Variants in RPS8 observed in about 807,000 individuals in gnomAD.
RPS8 encodes the protein small ribosomal subunit protein eS8.
For synonymous variants in RPS8, 100 were observed against 100.7 expected (o/e 0.99, Z 0.04); for missense variants, 141 against 269.7 (o/e 0.52, Z 3.34).
intron 2 of RPS8, 22 bp from the exon 3 acceptor site, chr1:44,776,653 C>T (rs755507477): frequency 1.3e-5 from 21 of 1,608,278 alleles, no homozygotes; most frequent in Middle Eastern, 1.6e-4. Context: ...TAACCTAGTT[C>T]CTGTAACCTT....
At chr1:44,777,500 G>A (rs1557609228) in intron 3 of RPS8, 114 bp from the exon 4 acceptor site, 6 of 831,302 alleles carry the variant, frequency 7.2e-6, no homozygotes, top group Non-Finnish European at 3.9e-6. Context: ...GCTTGTAAAG[G>A]CTGAGAGTTC....
intron 2 of RPS8, 50 bp downstream of exon 2, chr1:44,776,190 C>G (rs994191944): frequency 9.1e-6 from 12 of 1,320,426 alleles, no homozygotes; most frequent in Middle Eastern, 2.5e-4. Flanking sequence ...TTCCCCCGCT[C>G]TCCAGCGTGC....
intron 1 of RPS8, 96 bp from the exon 2 acceptor site, chr1:44,775,938 C>T (rs767859066): frequency 3.5e-6 from 4 of 1,137,432 alleles, no homozygotes; most frequent in South Asian, 1.2e-5. Flanking sequence ...GAGAGCTGAG[C>T]GTGCGACCGG....
rs1650849053 is a variant in RPS8, at chr1:44,776,245, G to A, written c.111+105G>A. On this transcript the variant is annotated intron_variant, in intron 2 of 5. Transcript: ENST00000396651. The stretch of plus-strand genomic sequence containing the variant: ...AGTTGTGCGTTCTTTCTTGGGCTCT[G>A]ATTTCTCTGTAGTAGGGCCTGGGTG... 4 of 811,714 alleles carry A rather than the reference G, an allele frequency of 4.9e-6. No homozygotes were observed. The South Asian group carries it at 7.0e-5, about 14-fold the overall frequency. 50.3% of individuals were successfully genotyped at this position (811,714 alleles called of 1,614,324 possible).
At position 44,778,589 on chromosome 1, in the gene RPS8, A is replaced by G; in HGVS notation, c.531A>G (p.Ser177=). 6.2e-7 allele frequency: 1 copy of G among 1,613,916 alleles called. No homozygotes were observed. Among genetic ancestry groups the G allele is most frequent in the Non-Finnish European group, 8.5e-7 (1 of 1,179,842 alleles). Reference sequence around the variant, plus strand: ...ACTCTCTTGCAGCGTGCATCGCTTCAAGGCCGGGACAGTGTGGCCGAGCAG... The same window carrying G: ...ACTCTCTTGCAGCGTGCATCGCTTCGAGGCCGGGACAGTGTGGCCGAGCAG... ...QQGKLLACIA[S]RPGQCGRADG... is the part of the protein sequence containing the mutation. The change falls in exon 6 of 6, where the codon TCA becomes TCG. Residue 177 remains serine (S), a synonymous_variant. Transcript: ENST00000396651.
intron 4 of RPS8, 49 bp from the exon 5 acceptor site, chr1:44,777,951 A>T: frequency 6.2e-7 from 1 of 1,612,556 alleles, no homozygotes; most frequent in Non-Finnish European, 8.5e-7. Flanking sequence ...GAAAGCTCCC[A>T]GGGCCTGCCT....
intron 3 of RPS8, 151 bp from the exon 4 acceptor site, chr1:44,777,463 T>G: frequency 1.5e-6 from 1 of 651,026 alleles, no homozygotes; most frequent in Non-Finnish European, 2.7e-6. Context: ...GGTTAGGGGG[T>G]TGTGGAAGAC....
chr1:44,776,173 G>A (rs754667122), intron 2 of RPS8, 33 bp downstream of exon 2: 76 of 1,487,852 alleles, frequency 5.1e-5, no homozygotes, highest in Non-Finnish European at 6.6e-5. Context: ...CCGCCTGGGA[G>A]GTCGCCTTCC....
intron 2 of RPS8, chr1:44,776,470 C>G: frequency 1.3e-6 from 1 of 762,114 alleles, no homozygotes; most frequent in Non-Finnish European, 2.4e-6. Context: ...CATTTGGGGT[C>G]AGGCTTTCCT....
intron 5 of RPS8, 143 bp from the exon 6 acceptor site, chr1:44,778,433 G>A (rs1378409871): frequency 1.2e-6 from 1 of 821,600 alleles, no homozygotes; most frequent in Non-Finnish European, 2.2e-6. Flanking sequence ...CTGACAGTAA[G>A]TGAAGATAAA....
At chr1:44,776,207 C>A in intron 2 of RPS8, 67 bp downstream of exon 2, 6 of 1,167,342 alleles carry the variant, frequency 5.1e-6, no homozygotes, top group South Asian at 1.5e-5. Flanking sequence ...GTGCTCGGGT[C>A]TTTCCGTGTG....
chr1:44,778,736 C>T lies in RPS8; in HGVS notation c.*51C>T. The stretch of plus-strand genomic sequence containing the variant: ...AATAAAGGTGTTTATTGTTTTGTTC[C>T]CACATTTATGTTGCCTGAATATATG... On this transcript the variant is annotated 3_prime_UTR_variant, in exon 6 of 6. Transcript: ENST00000396651. The T allele has an allele frequency of 7.9e-7, 1 of 1,267,454 alleles. No individual in the cohort carries two copies. Among genetic ancestry groups the T allele is most frequent in the Non-Finnish European group, 1.1e-6 (1 of 895,040 alleles). The allele number at this position is 1,267,454 out of a possible 1,614,324, so 78.5% of individuals were successfully genotyped here. A position where few individuals can be genotyped will look rare whatever the true frequency, so the allele number is the denominator to read the frequency against.
Position 44,776,062 on chromosome 1 carries a change from C to T in RPS8, c.33C>T (p.Arg11=), listed in dbSNP as rs201664044. Residue 11 remains arginine (R), a synonymous_variant, in exon 2 of 6, where the codon CGC becomes CGT. Coordinates refer to ENST00000396651, the MANE Select transcript of RPS8 (RefSeq NM_001012.2). ...TCTCTCGGGACAACTGGCACAAGCGCCGCAAAACCGGGGGCAAGAGAAAGC... is the reference window on the plus strand; with the variant it reads ...TCTCTCGGGACAACTGGCACAAGCGTCGCAAAACCGGGGGCAAGAGAAAGC... MGISRDNWHK[R]RKTGGKRKPY... is the part of the protein sequence containing the mutation. The T allele has an allele frequency of 1.2e-6, 2 of 1,611,566 alleles. No individual in the cohort carries two copies. The highest frequency in any genetic ancestry group is 1.7e-6 in the Non-Finnish European group (2 of 1,179,332).
intron 5 of RPS8, 87 bp downstream of exon 5, chr1:44,778,216 C>T: frequency 6.6e-7 from 1 of 1,509,068 alleles, no homozygotes; most frequent in Non-Finnish European, 9.1e-7. Flanking sequence ...CCTTTGACTG[C>T]CAGCCATGCA....
rs1650816311 is a variant in RPS8, at chr1:44,775,609, C to T, written c.4+9C>T. 3.7e-6 allele frequency: 6 copies of T among 1,614,124 alleles called. No individual in the cohort carries two copies. Among genetic ancestry groups the T allele is most frequent in the East Asian group, 4.5e-5 (2 of 44,876 alleles). On this transcript the variant is annotated intron_variant, in intron 1 of 5. Coordinates refer to ENST00000396651, the MANE Select transcript of RPS8 (RefSeq NM_001012.2). Reference sequence around the variant, plus strand: ...CCAGCGCCGAGCGATGGGTGAGTGTCGCTCTGCATTGAGGCGGGTGAAGGG... The same window carrying T: ...CCAGCGCCGAGCGATGGGTGAGTGTTGCTCTGCATTGAGGCGGGTGAAGGG...
At position 44,776,156 on chromosome 1, in the gene RPS8, G is replaced by A; in HGVS notation, c.111+16G>A. 3.2e-6 allele frequency: 5 copies of A among 1,565,180 alleles called. No homozygotes were observed. Among genetic ancestry groups the A allele is most frequent in the East Asian group, 2.3e-5 (1 of 44,150 alleles). Reference sequence around the variant, plus strand: ...CAACACCAAGGTGGGTGCGAGCGTGGGCCTGTCCGCCTGGGAGGTCGCCTT... The same window carrying A: ...CAACACCAAGGTGGGTGCGAGCGTGAGCCTGTCCGCCTGGGAGGTCGCCTT... On this transcript the variant is annotated intron_variant, in intron 2 of 5. Coordinates refer to ENST00000396651, the MANE Select transcript of RPS8 (RefSeq NM_001012.2).
Position 44,775,878 on chromosome 1 carries a change from A to G in RPS8, c.5-156A>G, listed in dbSNP as rs1459670465. The stretch of plus-strand genomic sequence containing the variant: ...GCCTGGCCGCACGTGTATGATGACA[A>G]CTCGGTAATGCTGCATACTCCCGAG... On this transcript the variant is annotated intron_variant, in intron 1 of 5. Coordinates refer to ENST00000396651, the MANE Select transcript of RPS8 (RefSeq NM_001012.2). 7.1e-6 allele frequency: 6 copies of G among 841,928 alleles called. No homozygotes were observed. The African/African-American group carries it at 8.3e-5, about 12-fold the overall frequency. The allele number at this position is 841,928 out of a possible 1,614,324, so 52.2% of individuals were successfully genotyped here. A position where few individuals can be genotyped will look rare whatever the true frequency, so the allele number is the denominator to read the frequency against.
chr1:44,778,708 T>C lies in RPS8; in HGVS notation c.*23T>C. On this transcript the variant is annotated 3_prime_UTR_variant, in exon 6 of 6. Coordinates refer to ENST00000396651, the MANE Select transcript of RPS8 (RefSeq NM_001012.2). ...TAAATCCTTGTTTTGTCTTCACCCA[T>C]GTAATAAAGGTGTTTATTGTTTTGT... 6.8e-7 allele frequency: 1 copy of C among 1,475,656 alleles called. No individual in the cohort carries two copies. The highest frequency in any genetic ancestry group is 9.4e-7 in the Non-Finnish European group (1 of 1,064,954). The allele number at this position is 1,475,656 out of a possible 1,614,324, so 91.4% of individuals were successfully genotyped here.
intron 3 of RPS8, 38 bp from the exon 4 acceptor site, chr1:44,777,576 C>T (rs1184660732): frequency 2.5e-6 from 4 of 1,572,160 alleles, no homozygotes; most frequent in Non-Finnish European, 2.6e-6. Context: ...GCCATTTGTC[C>T]TCCAGTTTAC....
Sources: gnomAD v4.1 joint callset for allele counts on GRCh38, gnomAD v4.1.1 for gene constraint, MANE v1.5 for transcripts, NCBI Gene and HGNC (gene_info 2026-07-23, HGNC 2026-07-21) for gene names.